The following OPCML variants were observed in gnomAD, a reference collection of about 807,000 sequenced individuals.
The protein encoded by OPCML is opioid-binding protein/cell adhesion molecule.
In OPCML, 13 loss-of-function variants were observed where a neutral mutation model predicts 37.8. The ratio of observed to expected loss-of-function variants is 0.34; its 90% confidence interval spans 0.22 to 0.55. OPCML has a LOEUF of 0.55. Among genes scored for constraint, OPCML ranks in the 20% least tolerant of loss-of-function variants. OPCML has a pLI of 0.91. For missense variants in OPCML, 341 were observed against 435.6 expected (o/e 0.78, Z 1.93); for synonymous variants, 176 against 168.8 (o/e 1.04, Z -0.33).
rs562524412 is a variant in OPCML, at chr11:132,460,652, T to A, written c.506-23293A>T. On this transcript the variant is annotated intron_variant, in intron 4 of 7. Transcript: ENST00000524381. ...GAAAGTATTCAAAAGCATAGCGACT[T>A]GGGGCTATCTTTTGCAGAAGCAAAT... 3.9e-4 allele frequency among the ~76,000 whole-genome samples: 60 copies of A among 152,314 alleles called. 2 individuals are homozygous for A. Among genetic ancestry groups the A allele is most frequent in the Middle Eastern group, 3.4e-3 (1 of 294 alleles).
intron 2 of OPCML, among the ~76,000 whole-genome samples, chr11:132,670,277 G>A (rs1027738246): frequency 2.0e-5 from 3 of 152,222 alleles, no homozygotes; most frequent in South Asian, 2.1e-4. Context: ...ACAGGCTCCC[G>A]CACAACTATC....
chr11:132,420,586 A>G (rs1466016649), intron 7 of OPCML, among the ~76,000 whole-genome samples: 1 of 152,230 alleles, frequency 6.6e-6, no homozygotes, highest in African/African-American at 2.4e-5. Context: ...CAACACATGG[A>G]AAGGCAGACC....
chr11:133,209,649 C>T (rs1047507242), intron 1 of OPCML, among the ~76,000 whole-genome samples: 4 of 152,144 alleles, frequency 2.6e-5, no homozygotes, highest in African/African-American at 7.2e-5. Flanking sequence ...GGTAACCACC[C>T]GGCTCCTAAC....
At chr11:132,814,261 G>A (rs1591645311) in intron 2 of OPCML, among the ~76,000 whole-genome samples, 1 of 152,114 alleles carries the variant, frequency 6.6e-6, no homozygotes, top group Non-Finnish European at 1.5e-5. Context: ...GAACTAATAG[G>A]AGATTATAGA....
At chr11:132,730,005 T>G (rs1216382803) in intron 2 of OPCML, among the ~76,000 whole-genome samples, 2 of 135,336 alleles carry the variant, frequency 1.5e-5, no homozygotes, top group African/African-American at 2.8e-5. Context: ...GTCTTCTATG[T>G]GACTTTTTTT....
chr11:133,326,631 GTA>G, intron 1 of OPCML, among the ~76,000 whole-genome samples: 1 of 125,314 alleles, frequency 8.0e-6, no homozygotes, highest in Non-Finnish European at 1.7e-5. Flanking sequence ...GTGGGTGGGT[GTA>G]TGTGGGTGTT....
At chr11:132,834,562 C>A (rs375663112) in intron 2 of OPCML, among the ~76,000 whole-genome samples, 11 of 152,180 alleles carry the variant, frequency 7.2e-5, no homozygotes, top group Non-Finnish European at 2.9e-5. Context: ...CTTTGGCCTG[C>A]GGCAGCACAG....
chr11:132,481,134 G>A (rs964500165), intron 4 of OPCML, among the ~76,000 whole-genome samples: 4 of 152,214 alleles, frequency 2.6e-5, no homozygotes, highest in African/African-American at 4.8e-5. Context: ...TGACAAATTG[G>A]ATAAAGAGTC....
Position 133,140,931 on chromosome 11 carries a change from CGAAGAAGAAGAAGACGACGAAGAAGAA to C in OPCML, c.62-197948_62-197922del, listed in dbSNP as rs1949792916. 4.4e-4 allele frequency among the ~76,000 whole-genome samples: 2 copies of C among 4,522 alleles called. 1 individual carries two copies. Among genetic ancestry groups the C allele is most frequent in the African/African-American group, 7.8e-4 (2 of 2,564 alleles). 3.0% of individuals were successfully genotyped at this position (4,522 alleles called of 152,430 possible). ...ACGAAGAAGAAGAAGACGACGACGACGAAGAAGAAGAAGACGACGAAGAAGAAGAAGAAGAAGAAGAAGAAGAAGAAG... is the reference window on the plus strand; with the variant it reads ...ACGAAGAAGAAGAAGACGACGACGACGAAGAAGAAGAAGAAGAAGAAGAAG... On this transcript the variant is annotated intron_variant, in intron 1 of 7. Coordinates refer to ENST00000524381, the MANE Select transcript of OPCML (RefSeq NM_001012393.5).
intron 1 of OPCML, among the ~76,000 whole-genome samples, chr11:133,504,726 T>C (rs1947989701): frequency 6.6e-6 from 1 of 152,152 alleles, no homozygotes; most frequent in Non-Finnish European, 1.5e-5. Flanking sequence ...GGAGATGAAA[T>C]GACGAAGAGA....
intron 1 of OPCML, among the ~76,000 whole-genome samples, chr11:133,346,623 G>A (rs1368931025): frequency 1.3e-5 from 2 of 152,162 alleles, no homozygotes; most frequent in African/African-American, 4.8e-5. Flanking sequence ...GATTAGACAG[G>A]CACTTGAAGC....
At chr11:132,961,812 G>A (rs150625383) in intron 1 of OPCML, among the ~76,000 whole-genome samples, 58 of 152,282 alleles carry the variant, frequency 3.8e-4, no homozygotes, top group African/African-American at 1.4e-3. Flanking sequence ...ATCTCTCTCT[G>A]CATTAGCTCC....
chr11:133,030,171 A>G (rs547293924), intron 1 of OPCML, among the ~76,000 whole-genome samples: 1 of 152,356 alleles, frequency 6.6e-6, no homozygotes, highest in African/African-American at 2.4e-5. Flanking sequence ...TTCTCATTAC[A>G]GAAACACTGC....
chr11:132,775,110 A>T (rs1331256674), intron 2 of OPCML, among the ~76,000 whole-genome samples: 1 of 152,232 alleles, frequency 6.6e-6, no homozygotes, highest in African/African-American at 2.4e-5. Context: ...TAATTTAATC[A>T]GCTGACTTGC....
intron 2 of OPCML, among the ~76,000 whole-genome samples, chr11:132,787,181 T>C (rs1004173367): frequency 1.3e-5 from 2 of 152,168 alleles, no homozygotes; most frequent in African/African-American, 4.8e-5. Flanking sequence ...TCCTGGAAAC[T>C]GGGAAGATGT....
chr11:132,594,668 G>A (rs992955895), intron 3 of OPCML, among the ~76,000 whole-genome samples: 2 of 152,102 alleles, frequency 1.3e-5, no homozygotes, highest in Admixed American at 1.3e-4. Flanking sequence ...CAAAGGGATG[G>A]GCTGGTTTTA....
intron 1 of OPCML, among the ~76,000 whole-genome samples, chr11:133,209,354 AG>A (rs2136337285): frequency 6.6e-6 from 1 of 152,314 alleles, no homozygotes; most frequent in African/African-American, 2.4e-5. Flanking sequence ...TTTGAGAACA[AG>A]GGTTTCACAT....
At chr11:133,234,002 T>A (rs1940404752) in intron 1 of OPCML, among the ~76,000 whole-genome samples, 1 of 152,130 alleles carries the variant, frequency 6.6e-6, no homozygotes, top group African/African-American at 2.4e-5. Flanking sequence ...TGTTAGATAA[T>A]GTAACAATTG....
intron 3 of OPCML, among the ~76,000 whole-genome samples, chr11:132,620,672 A>G (rs573481095): frequency 6.6e-6 from 1 of 152,306 alleles, no homozygotes; most frequent in Non-Finnish European, 1.5e-5. Flanking sequence ...GACCCTAGAG[A>G]GAGTGTATGC....
Sources: gnomAD v4.1 joint callset for allele counts (sites outside exome capture counted in the v4.1 genomes callset) on GRCh38, gnomAD v4.1.1 for gene constraint, MANE v1.5 for transcripts, NCBI Gene and HGNC (gene_info 2026-07-23, HGNC 2026-07-21) for gene names.